Variants in SLC10A7 observed in about 807,000 individuals in gnomAD.
SLC10A7 encodes the protein sodium/bile acid cotransporter 7.
Under a neutral mutation model 43.2 loss-of-function variants are expected in SLC10A7, and 29 were observed. That is an observed-to-expected ratio of 0.67 (90% CI 0.50 to 0.92). The LOEUF is 0.92. SLC10A7 is among the 40% of genes least tolerant of loss of function. The probability of loss-of-function intolerance (pLI) is 0.00; values close to 1 mark genes in which losing one functional copy is unlikely to be tolerated. For synonymous variants in SLC10A7, 152 were observed against 144.8 expected (o/e 1.05, Z -0.35); for missense variants, 295 against 403.2 (o/e 0.73, Z 2.30).
chr4:146,371,682 C>T (rs975963964), intron 5 of SLC10A7, among the ~76,000 whole-genome samples: 1 of 152,182 alleles, frequency 6.6e-6, no homozygotes, highest in Non-Finnish European at 1.5e-5. Flanking sequence ...AAACTGCCTA[C>T]CTGGTGCTTC....
intron 4 of SLC10A7, among the ~76,000 whole-genome samples, chr4:146,466,995 C>T (rs1228588236): frequency 1.3e-5 from 2 of 152,158 alleles, no homozygotes; most frequent in Non-Finnish European, 2.9e-5. Flanking sequence ...AACTTCATCT[C>T]TGGTAGTAAG....
At chr4:146,490,937 C>A (rs1305419026) in intron 4 of SLC10A7, among the ~76,000 whole-genome samples, 1 of 152,180 alleles carries the variant, frequency 6.6e-6, no homozygotes, top group Non-Finnish European at 1.5e-5. Context: ...TACTCCTACA[C>A]TGCATTAAAA....
intron 11 of SLC10A7, chr4:146,256,794 G>A: frequency 6.9e-7 from 1 of 1,457,428 alleles, no homozygotes; most frequent in Non-Finnish European, 9.3e-7. Context: ...AATCAGTACT[G>A]TGTGCAAAGC....
chr4:146,257,529 A>T (rs1295036386), intron 11 of SLC10A7, among the ~76,000 whole-genome samples: 1 of 152,166 alleles, frequency 6.6e-6, no homozygotes, highest in Non-Finnish European at 1.5e-5. Flanking sequence ...GAACTACCCT[A>T]TGGTCTCAGG....
Position 146,426,357 on chromosome 4 carries a change from T to C in SLC10A7, c.435+16426A>G, listed in dbSNP as rs79693548. ...GAAAGAAAAACTTCTTTAAGGACTATGTGGCACCCAACCTCTCCTTCTTTA... is the reference window on the plus strand; with the variant it reads ...GAAAGAAAAACTTCTTTAAGGACTACGTGGCACCCAACCTCTCCTTCTTTA... On this transcript the variant is annotated intron_variant, in intron 5 of 11. Transcript: ENST00000335472. Among the ~76,000 whole-genome samples the C allele has an allele frequency of 1.1e-3, 170 of 152,286 alleles. 1 individual carries two copies. The East Asian group carries it at 0.016, about 14-fold the overall frequency.
chr4:146,515,044 A>G (rs1410462704), intron 2 of SLC10A7: 1 of 687,414 alleles, frequency 1.5e-6, no homozygotes, highest in Non-Finnish European at 2.6e-6. Flanking sequence ...AGGTGCTTAC[A>G]AAAGAAGTCA....
intron 11 of SLC10A7, chr4:146,257,069 C>G (rs1560738207): frequency 3.2e-6 from 2 of 631,576 alleles, no homozygotes; most frequent in Non-Finnish European, 5.5e-6. Context: ...ATTTGCTGTT[C>G]ACTATGGCTG....
At chr4:146,304,014 G>C (rs924723774) in intron 7 of SLC10A7, among the ~76,000 whole-genome samples, 2 of 150,944 alleles carry the variant, frequency 1.3e-5, no homozygotes, top group Non-Finnish European at 2.9e-5. Flanking sequence ...GTTCACTTTA[G>C]TTGTGCATTA....
At position 146,255,714 on chromosome 4, in the gene SLC10A7, G is replaced by C. The variant is rs568023421; in HGVS notation, c.*777C>G. ...TGTGCCTCATATTTGGCTGTTATGA[G>C]TGTGTAAGTGCAAGACAGAAATTAT... On this transcript the variant is annotated 3_prime_UTR_variant, in exon 12 of 12. Coordinates refer to ENST00000335472, the MANE Select transcript of SLC10A7 (RefSeq NM_001029998.6). 6.6e-6 allele frequency: 1 copy of C among 152,314 alleles called. No individual in the cohort carries two copies. The highest frequency in any genetic ancestry group is 2.1e-4 in the South Asian group (1 of 4,826). The allele number at this position is 152,314 out of a possible 1,614,324, so 9.4% of individuals were successfully genotyped here. A position where few individuals can be genotyped will look rare whatever the true frequency, so the allele number is the denominator to read the frequency against.
At chr4:146,504,554 C>T (rs913687999) in intron 3 of SLC10A7, among the ~76,000 whole-genome samples, 5 of 148,856 alleles carry the variant, frequency 3.4e-5, no homozygotes, top group African/African-American at 9.9e-5. Flanking sequence ...ATAACCAAAA[C>T]GGCTAATCAT....
chr4:146,373,904 T>C (rs1313600668), intron 5 of SLC10A7, among the ~76,000 whole-genome samples: 1 of 152,058 alleles, frequency 6.6e-6, no homozygotes, highest in Non-Finnish European at 1.5e-5. Context: ...AGGGTTCTGG[T>C]GATGGAGATG....
intron 5 of SLC10A7, among the ~76,000 whole-genome samples, chr4:146,361,827 A>G (rs1453019258): frequency 6.6e-6 from 1 of 152,180 alleles, no homozygotes; most frequent in Non-Finnish European, 1.5e-5. Flanking sequence ...AGGAAGCTCA[A>G]TGAATTCAAC....
At chr4:146,397,191 A>T (rs1408952197) in intron 5 of SLC10A7, among the ~76,000 whole-genome samples, 1 of 152,090 alleles carries the variant, frequency 6.6e-6, no homozygotes, top group Non-Finnish European at 1.5e-5. Context: ...ACTCTCCCCA[A>T]ACATTACTTT....
intron 4 of SLC10A7, among the ~76,000 whole-genome samples, chr4:146,463,043 T>A (rs1732680100): frequency 6.6e-6 from 1 of 152,146 alleles, no homozygotes; most frequent in South Asian, 2.1e-4. Context: ...AGAGATCCAG[T>A]TAAATAACAC....
At position 146,362,241 on chromosome 4, in the gene SLC10A7, A is replaced by C. The variant is rs1485678769; in HGVS notation, c.436-36245T>G. 8.5e-5 allele frequency among the ~76,000 whole-genome samples: 13 copies of C among 152,136 alleles called. 1 individual carries two copies. The highest frequency in any genetic ancestry group is 1.5e-5 in the Non-Finnish European group (1 of 68,004). On this transcript the variant is annotated intron_variant, in intron 5 of 11. Coordinates refer to ENST00000335472, the MANE Select transcript of SLC10A7 (RefSeq NM_001029998.6). ...GAGAGAAATATTAATATCCAGGTAGAAGAAGGTCAAAGAACACCAAGCAGA... is the reference window on the plus strand; with the variant it reads ...GAGAGAAATATTAATATCCAGGTAGCAGAAGGTCAAAGAACACCAAGCAGA...
At chr4:146,264,166 T>C (rs2111008348) in intron 10 of SLC10A7, among the ~76,000 whole-genome samples, 1 of 152,342 alleles carries the variant, frequency 6.6e-6, no homozygotes, top group African/African-American at 2.4e-5. Context: ...ATGGAAAGGA[T>C]AAAACAATAT....
chr4:146,371,475 T>C (rs1214618759), intron 5 of SLC10A7, among the ~76,000 whole-genome samples: 2 of 152,052 alleles, frequency 1.3e-5, no homozygotes, highest in African/African-American at 2.4e-5. Flanking sequence ...GTGGAACAAG[T>C]AGGATTTTAG....
chr4:146,380,217 A>C (rs982903539), intron 5 of SLC10A7, among the ~76,000 whole-genome samples: 1 of 152,174 alleles, frequency 6.6e-6, no homozygotes, highest in Non-Finnish European at 1.5e-5. Context: ...AGGCAGAGAA[A>C]CAAAATCACA....
intron 5 of SLC10A7, among the ~76,000 whole-genome samples, chr4:146,385,209 G>A (rs1291021547): frequency 6.6e-6 from 1 of 152,062 alleles, no homozygotes; most frequent in African/African-American, 2.4e-5. Context: ...AATATTGGTA[G>A]TAGAAGGAGA....
Sources: gnomAD v4.1 joint callset for allele counts (sites outside exome capture counted in the v4.1 genomes callset) on GRCh38, gnomAD v4.1.1 for gene constraint, MANE v1.5 for transcripts, NCBI Gene and HGNC (gene_info 2026-07-23, HGNC 2026-07-21) for gene names.